The following LRRC36 variants were observed in gnomAD, a reference collection of about 807,000 sequenced individuals.
LRRC36 encodes the protein leucine rich repeat containing 36, also known as leucine-rich repeat-containing protein 36.
LRRC36 carries 62 observed loss-of-function variants against 81.1 expected under a neutral mutation model. That is an observed-to-expected ratio of 0.76 (90% CI 0.62 to 0.94). LRRC36 has a LOEUF of 0.94. LRRC36 is among the 40% of genes least tolerant of loss of function. LRRC36 has a pLI of 0.00. For synonymous variants in LRRC36, 334 were observed against 348.6 expected (o/e 0.96, Z 0.47); for missense variants, 761 against 881.7 (o/e 0.86, Z 1.73).
intron 3 of LRRC36, among the ~76,000 whole-genome samples, chr16:67,346,898 A>G (rs2142020484): frequency 6.6e-6 from 1 of 152,160 alleles, no homozygotes; most frequent in African/African-American, 2.4e-5. Context: ...ATTTTGAGAC[A>G]GGGTCTCACT....
chr16:67,335,560 G>A (rs1021852210), intron 1 of LRRC36, among the ~76,000 whole-genome samples: 1 of 152,122 alleles, frequency 6.6e-6, no homozygotes, highest in Admixed American at 6.6e-5. Context: ...CTCAGTTTAC[G>A]AAGATGACGG....
intron 5 of LRRC36, among the ~76,000 whole-genome samples, chr16:67,352,493 A>G (rs1400282384): frequency 1.3e-5 from 2 of 151,998 alleles, no homozygotes; most frequent in African/African-American, 4.8e-5. Flanking sequence ...CTAACCACAT[A>G]ATCATTGACT....
intron 2 of LRRC36, among the ~76,000 whole-genome samples, 177 bp from the exon 3 acceptor site, chr16:67,346,079 A>G (rs2038332396): frequency 1.3e-5 from 2 of 152,214 alleles, no homozygotes; most frequent in Non-Finnish European, 1.5e-5. Flanking sequence ...CCCAGTGCTC[A>G]TGGACTGCAG....
intron 1 of LRRC36, 44 bp from the exon 2 acceptor site, chr16:67,341,913 T>G (rs1274211116): frequency 6.5e-7 from 1 of 1,540,780 alleles, no homozygotes; most frequent in Non-Finnish European, 8.8e-7. Flanking sequence ...CTGCTGTTGA[T>G]CCGAGCAGGG....
intron 1 of LRRC36, among the ~76,000 whole-genome samples, chr16:67,340,895 T>TACATATACTCTATAGAATATATACC (rs2038012991): frequency 4.7e-5 from 7 of 147,578 alleles, no homozygotes; most frequent in Non-Finnish European, 1.0e-4. Flanking sequence ...GAATATATAC[T>TACATATACTCTATAGAATATATACC]ACATATACTC....
chr16:67,361,872 A>G (rs1265418647), intron 5 of LRRC36, among the ~76,000 whole-genome samples: 1 of 152,116 alleles, frequency 6.6e-6, no homozygotes, highest in East Asian at 1.9e-4. Context: ...TGGCCCTAAC[A>G]GTATTTTTTA....
At chr16:67,374,294 ATAC>A (rs1458841886) in intron 9 of LRRC36, among the ~76,000 whole-genome samples, 6 of 152,016 alleles carry the variant, frequency 3.9e-5, no homozygotes, top group Middle Eastern at 6.8e-3. Context: ...TTTATAAAAT[ATAC>A]TATTTTTAAA....
chr16:67,361,636 G>A (rs1457916931), intron 5 of LRRC36, among the ~76,000 whole-genome samples: 1 of 152,092 alleles, frequency 6.6e-6, no homozygotes, highest in African/African-American at 2.4e-5. Context: ...GCAATGGTGC[G>A]ATCTCAGCTC....
chr16:67,376,969 A>C (rs1359328405), intron 11 of LRRC36, 97 bp downstream of exon 11: 13 of 1,319,170 alleles, frequency 9.9e-6, no homozygotes, highest in Non-Finnish European at 1.3e-5. Context: ...CCTAACCAAA[A>C]TATGGCAAAA....
At chr16:67,361,595 T>C (rs1404123360) in intron 5 of LRRC36, among the ~76,000 whole-genome samples, 4 of 152,100 alleles carry the variant, frequency 2.6e-5, no homozygotes, top group East Asian at 1.9e-4. Flanking sequence ...CTTTTGGAAA[T>C]GGAGTCTCAC....
At chr16:67,365,529 A>G (rs1567491399) in intron 7 of LRRC36, among the ~76,000 whole-genome samples, 174 bp downstream of exon 7, 1 of 152,210 alleles carries the variant, frequency 6.6e-6, no homozygotes. Context: ...TTTTCTGCTT[A>G]AAGAGTGCAT....
intron 1 of LRRC36, among the ~76,000 whole-genome samples, chr16:67,334,783 G>A (rs767635944): frequency 2.0e-5 from 3 of 151,676 alleles, no homozygotes; most frequent in Admixed American, 1.3e-4. Flanking sequence ...CCTAAGTGTC[G>A]GCCGGCCTGA....
chr16:67,350,355 T>A, intron 5 of LRRC36, 65 bp downstream of exon 5: 1 of 1,291,084 alleles, frequency 7.7e-7, no homozygotes, highest in South Asian at 1.2e-5. Context: ...CCATAGCCAA[T>A]ATTGGGTAAG....
rs757223779 is a variant in LRRC36, at chr16:67,376,778, C to T, written c.1712C>T (p.Pro571Leu). The change falls in exon 11 of 14, where the codon CCG becomes CTG. Residue 571 changes from proline (P) to leucine (L), a missense_variant. Coordinates refer to ENST00000329956, the MANE Select transcript of LRRC36 (RefSeq NM_018296.6). ...LSLVVPAPSQ[P>L]RCCSHPEDTM... ...TTGGTAGTCCCGGCTCCTTCTCAGC[C>T]GAGGTGTTGCTCACATCCTGAAGAC... 8 of 1,613,856 alleles carry T rather than the reference C, an allele frequency of 5.0e-6. No individual in the cohort carries two copies. Among genetic ancestry groups the T allele is most frequent in the South Asian group, 3.3e-5 (3 of 91,052 alleles).
At chr16:67,361,866 C>T (rs1478222088) in intron 5 of LRRC36, among the ~76,000 whole-genome samples, 1 of 152,058 alleles carries the variant, frequency 6.6e-6, no homozygotes, top group African/African-American at 2.4e-5. Flanking sequence ...CATGCCTGGC[C>T]CTAACAGTAT....
intron 1 of LRRC36, among the ~76,000 whole-genome samples, chr16:67,331,886 G>T (rs2037508540): frequency 6.6e-6 from 1 of 152,018 alleles, no homozygotes; most frequent in African/African-American, 2.4e-5. Context: ...TACTTGGGAG[G>T]CTGAGGCAGG....
Position 67,384,852 on chromosome 16 carries a change from T to TTTTC in LRRC36, c.2046-17_2046-14dup, listed in dbSNP as rs2040236930. The TTTTC allele has an allele frequency of 6.2e-7, 1 of 1,606,038 alleles. No homozygotes were observed. The highest frequency in any genetic ancestry group is 8.5e-7 in the Non-Finnish European group (1 of 1,173,152). ...TGCTTTTATGATTTCATGACTGCCT[T>TTTTC]TTTCCCTTGGGCCTCAGATCCCTGG... is the stretch of plus-strand genomic sequence containing the variant. On this transcript the variant is annotated splice_polypyrimidine_tract_variant and intron_variant, in intron 13 of 13. Coordinates refer to ENST00000329956, the MANE Select transcript of LRRC36 (RefSeq NM_018296.6).
chr16:67,329,340 G>A (rs1348592518), intron 1 of LRRC36, among the ~76,000 whole-genome samples: 1 of 151,730 alleles, frequency 6.6e-6, no homozygotes, highest in Non-Finnish European at 1.5e-5. Context: ...GCCCAGGCTG[G>A]AGTGCAGTGG....
At chr16:67,357,256 CAAGGTTACTAAGATT>C (rs2038942883) in intron 5 of LRRC36, among the ~76,000 whole-genome samples, 1 of 152,114 alleles carries the variant, frequency 6.6e-6, no homozygotes, top group African/African-American at 2.4e-5. Context: ...GGGAAAAATA[CAAGGTTACTAAGATT>C]ACATGGAGTC....
Sources: gnomAD v4.1 joint callset for allele counts (sites outside exome capture counted in the v4.1 genomes callset) on GRCh38, gnomAD v4.1.1 for gene constraint, MANE v1.5 for transcripts, NCBI Gene and HGNC (gene_info 2026-07-23, HGNC 2026-07-21) for gene names.